Variants in RSBN1L observed in about 807,000 individuals in gnomAD.
RSBN1L encodes lysine-specific demethylase RSBN1L.
In RSBN1L, 30 loss-of-function variants were observed where a neutral mutation model predicts 67.7. That is an observed-to-expected ratio of 0.44 (90% CI 0.33 to 0.60). The LOEUF is 0.60. Ranked by LOEUF, RSBN1L falls within the 20% of genes least tolerant of loss-of-function variation. The pLI, the probability that RSBN1L is intolerant of heterozygous loss-of-function variation, is 0.02. For missense variants in RSBN1L, 992 were observed against 1,031.7 expected, an observed-to-expected ratio of 0.96 and a Z score of 0.53; for synonymous variants, 433 against 387.0, an observed-to-expected ratio of 1.12 and a Z score of -1.39.
intron 3 of RSBN1L, among the ~76,000 whole-genome samples, chr7:77,757,853 G>A (rs1361869549): frequency 6.6e-6 from 1 of 152,184 alleles, no homozygotes; most frequent in Non-Finnish European, 1.5e-5. Flanking sequence ...CAGTGTACAA[G>A]CTTCTGCTTG....
intron 2 of RSBN1L, among the ~76,000 whole-genome samples, chr7:77,741,019 C>T (rs558535705): frequency 2.1e-5 from 3 of 139,758 alleles, no homozygotes; most frequent in Non-Finnish European, 4.6e-5. Flanking sequence ...CGGAGTTTCA[C>T]TGTGATACCC....
chr7:77,774,691 C>T (rs895749965), intron 6 of RSBN1L, among the ~76,000 whole-genome samples: 4 of 152,116 alleles, frequency 2.6e-5, no homozygotes, highest in Admixed American at 6.5e-5. Flanking sequence ...GAGCCAAGAT[C>T]GTGCCACTGC....
chr7:77,780,155 A>T lies in RSBN1L; in HGVS notation c.*987A>T, dbSNP rs1037650847. ...TATGCAGGCATTTTTAACAACCAAG[A>T]CTCAGTTAAGAAAGTGTGCATCTGC... On this transcript the variant is annotated 3_prime_UTR_variant, in exon 8 of 8. Coordinates refer to ENST00000334955, the MANE Select transcript of RSBN1L (RefSeq NM_198467.3). The T allele has an allele frequency of 6.6e-6, 1 of 151,900 alleles. No homozygotes were observed. The highest frequency in any genetic ancestry group is 2.4e-5 in the African/African-American group (1 of 41,350). 9.4% of individuals were successfully genotyped at this position (151,900 alleles called of 1,614,324 possible).
Position 77,726,872 on chromosome 7 carries a change from C to T in RSBN1L, c.587-9538C>T, listed in dbSNP as rs142395176. 9.5e-4 allele frequency among the ~76,000 whole-genome samples: 141 copies of T among 148,402 alleles called. 2 individuals carry two copies. The highest frequency in any genetic ancestry group is 3.2e-3 in the African/African-American group (129 of 39,988). On this transcript the variant is annotated intron_variant, in intron 1 of 7. Transcript: ENST00000334955. ...CTCGGCTCACTGCAACCTCCACATTCCTGGGTTCAAGTGATTCTCCCGCCT... is the reference window on the plus strand; with the variant it reads ...CTCGGCTCACTGCAACCTCCACATTTCTGGGTTCAAGTGATTCTCCCGCCT...
chr7:77,741,628 C>T (rs1363997188), intron 2 of RSBN1L, among the ~76,000 whole-genome samples: 1 of 149,672 alleles, frequency 6.7e-6, no homozygotes, highest in East Asian at 2.0e-4. Context: ...GGAGGTGGAG[C>T]TTGCAGTGAG....
intron 1 of RSBN1L, among the ~76,000 whole-genome samples, chr7:77,721,810 G>A (rs538164029): frequency 6.6e-6 from 1 of 152,290 alleles, no homozygotes; most frequent in South Asian, 2.1e-4. Context: ...GAGGTAAGCT[G>A]AGTTGGTTTA....
At chr7:77,716,976 A>G (rs1456452295) in intron 1 of RSBN1L, among the ~76,000 whole-genome samples, 1 of 128,032 alleles carries the variant, frequency 7.8e-6, no homozygotes, top group Non-Finnish European at 1.7e-5. Flanking sequence ...TTTTTTTTCA[A>G]AGGAGACAGG....
At chr7:77,711,534 C>G (rs1329642474) in intron 1 of RSBN1L, among the ~76,000 whole-genome samples, 2 of 151,992 alleles carry the variant, frequency 1.3e-5, no homozygotes, top group Non-Finnish European at 2.9e-5. Flanking sequence ...ATAGATATGG[C>G]TTCTTGCTGT....
Position 77,782,099 on chromosome 7 carries a change from A to G in RSBN1L, c.*2931A>G, listed in dbSNP as rs1420262103. ...TACGTTCCTTGTCTTATGGGTTATAATTTTCACATCCTCTTCAGATACAAT... is the reference window on the plus strand; with the variant it reads ...TACGTTCCTTGTCTTATGGGTTATAGTTTTCACATCCTCTTCAGATACAAT... On this transcript the variant is annotated 3_prime_UTR_variant, in exon 8 of 8. Transcript: ENST00000334955. 6.6e-6 allele frequency: 1 copy of G among 152,050 alleles called. No individual in the cohort carries two copies. Among genetic ancestry groups the G allele is most frequent in the Non-Finnish European group, 1.5e-5 (1 of 68,016 alleles). The allele number at this position is 152,050 out of a possible 1,614,324, so 9.4% of individuals were successfully genotyped here. A position where few individuals can be genotyped will look rare whatever the true frequency, so the allele number is the denominator to read the frequency against.
intron 1 of RSBN1L, among the ~76,000 whole-genome samples, chr7:77,714,962 A>C (rs1791026941): frequency 6.6e-6 from 1 of 150,492 alleles, no homozygotes; most frequent in Non-Finnish European, 1.5e-5. Context: ...CCATCTCAAA[A>C]AAAAAAAAAA....
intron 1 of RSBN1L, among the ~76,000 whole-genome samples, chr7:77,709,255 C>T (rs764133306): frequency 6.6e-6 from 1 of 151,600 alleles, no homozygotes; most frequent in African/African-American, 2.4e-5. Context: ...CCTTTTAGAA[C>T]TCTCCTTACA....
intron 3 of RSBN1L, among the ~76,000 whole-genome samples, chr7:77,751,480 C>G (rs1791556151): frequency 6.6e-6 from 1 of 152,130 alleles, no homozygotes; most frequent in African/African-American, 2.4e-5. Flanking sequence ...GAATTATTCT[C>G]TAACATGTTT....
chr7:77,753,995 A>G (rs1004078230), intron 3 of RSBN1L, among the ~76,000 whole-genome samples: 1 of 151,996 alleles, frequency 6.6e-6, no homozygotes, highest in Non-Finnish European at 1.5e-5. Flanking sequence ...CTTTGATTCC[A>G]TTGTTTTGTT....
intron 1 of RSBN1L, among the ~76,000 whole-genome samples, chr7:77,723,069 C>T (rs1054675111): frequency 1.3e-5 from 2 of 150,102 alleles, no homozygotes; most frequent in Non-Finnish European, 3.0e-5. Context: ...CTGGTTCAAT[C>T]GGTTCTTGTG....
rs772154912 is a variant in RSBN1L at position 77,696,898 on chromosome 7, C to G, written c.429C>G (p.Leu143=). ...TLLHAQPHHL[L]LPAAAAAASA... The stretch of plus-strand genomic sequence containing the variant: ...TGCACGCTCAGCCTCACCATCTCCT[C>G]CTGCCCGCCGCCGCCGCCGCTGCCT... The change falls in exon 1 of 8, where the codon CTC becomes CTG. Residue 143 remains leucine (L), a synonymous_variant. Transcript: ENST00000334955. 1.3e-4 allele frequency: 205 copies of G among 1,606,036 alleles called. No homozygotes were observed. Among genetic ancestry groups the G allele is most frequent in the South Asian group, 2.3e-4 (21 of 91,062 alleles).
Position 77,766,263 on chromosome 7 carries a change from A to G in RSBN1L, c.1482+631A>G, listed in dbSNP as rs188175367. On this transcript the variant is annotated intron_variant, in intron 4 of 7. Coordinates refer to ENST00000334955, the MANE Select transcript of RSBN1L (RefSeq NM_198467.3). ...GCTGGAGTGTAGTGGTGTAATGTGGAGCCCTGACCTCCGTGGGCTTGGATG... is the reference window on the plus strand; with the variant it reads ...GCTGGAGTGTAGTGGTGTAATGTGGGGCCCTGACCTCCGTGGGCTTGGATG... 4.5e-4 allele frequency among the ~76,000 whole-genome samples: 69 copies of G among 152,280 alleles called. No individual in the cohort carries two copies. In the East Asian group the frequency reaches 0.012, roughly 26 times the overall value.
intron 2 of RSBN1L, among the ~76,000 whole-genome samples, chr7:77,740,579 A>C (rs954411329): frequency 2.6e-5 from 4 of 152,208 alleles, no homozygotes; most frequent in African/African-American, 7.2e-5. Flanking sequence ...ATATGTAATA[A>C]TGGGATGGGG....
At chr7:77,706,612 G>T (rs1291206872) in intron 1 of RSBN1L, among the ~76,000 whole-genome samples, 4 of 152,108 alleles carry the variant, frequency 2.6e-5, no homozygotes, top group African/African-American at 9.7e-5. Flanking sequence ...TATTCTGGGG[G>T]GTGGGAAATT....
At chr7:77,776,085 A>G (rs1791911276) in intron 6 of RSBN1L, among the ~76,000 whole-genome samples, 1 of 152,062 alleles carries the variant, frequency 6.6e-6, no homozygotes, top group South Asian at 2.1e-4. Flanking sequence ...TGCTGTTGTT[A>G]GGGATATAGT....
Sources: gnomAD v4.1 joint callset for allele counts (sites outside exome capture counted in the v4.1 genomes callset) on GRCh38, gnomAD v4.1.1 for gene constraint, MANE v1.5 for transcripts, NCBI Gene and HGNC (gene_info 2026-07-23, HGNC 2026-07-21) for gene names.